UNC5D: variants seen among roughly 807,000 people sequenced by gnomAD.
UNC5D encodes netrin receptor UNC5D.
Under a neutral mutation model 105.4 loss-of-function variants are expected in UNC5D, and 39 were observed. The observed-to-expected ratio is 0.37, with a 90% CI of 0.29 to 0.48. The LOEUF is 0.48. Among genes scored for constraint, UNC5D ranks in the 20% least tolerant of loss-of-function variants. The pLI is 0.98. For missense variants in UNC5D, 991 were observed against 1,202.4 expected (o/e 0.82, Z 2.60); for synonymous variants, 452 against 450.4 (o/e 1.00, Z -0.04).
In UNC5D at chr8:35,388,192, C is replaced by T. The variant is rs144515329; in HGVS notation, c.103+152305C>T. On this transcript the variant is annotated intron_variant, in intron 1 of 16. Coordinates refer to ENST00000404895, the MANE Select transcript of UNC5D (RefSeq NM_080872.4). ...AGTTCAAGACCAATGTGGTAAACCC[C>T]GTCTCTACTAAAAATACAAAAATTA... 7.9e-3 allele frequency among the ~76,000 whole-genome samples: 1,202 copies of T among 151,740 alleles called. 6 individuals carry two copies. Among genetic ancestry groups the T allele is most frequent in the Non-Finnish European group, 0.012 (848 of 67,926 alleles).
At chr8:35,568,513 A>T (rs1817509841) in intron 3 of UNC5D, among the ~76,000 whole-genome samples, 1 of 152,158 alleles carries the variant, frequency 6.6e-6, no homozygotes, top group Non-Finnish European at 1.5e-5. Context: ...ACATGGCAAA[A>T]CCCCATCTCT....
intron 7 of UNC5D, among the ~76,000 whole-genome samples, chr8:35,694,120 A>G (rs545704604): frequency 1.2e-4 from 19 of 152,338 alleles, no homozygotes; most frequent in African/African-American, 4.1e-4. Flanking sequence ...GCTTAAAAAC[A>G]TGTCTTAAAT....
intron 1 of UNC5D, among the ~76,000 whole-genome samples, chr8:35,282,187 C>A (rs1806235591): frequency 6.6e-6 from 1 of 152,312 alleles, no homozygotes; most frequent in Non-Finnish European, 1.5e-5. Flanking sequence ...AGCAGCCACT[C>A]TCTGAATACT....
rs780945660 is a variant in UNC5D, at chr8:35,512,465, CATATATATATATATATATATATAT to C, written c.104-36806_104-36783del. Among the ~76,000 whole-genome samples, 93 of 20,116 alleles carry C rather than the reference CATATATATATATATATATATATAT, an allele frequency of 4.6e-3. 4 individuals are homozygous for C. The highest frequency in any genetic ancestry group is 0.011 in the South Asian group (4 of 366). 13.2% of individuals were successfully genotyped at this position (20,116 alleles called of 152,430 possible). On this transcript the variant is annotated intron_variant, in intron 1 of 16. Transcript: ENST00000404895. Reference sequence around the variant, plus strand: ...TGAGAGTTCAAGGCTAATAGTGAGCCATATATATATATATATATATATATATATATATATATATATATATCTGCA... The same window carrying C: ...TGAGAGTTCAAGGCTAATAGTGAGCCATATATATATATATATATATCTGCA...
At chr8:35,766,814 A>G (rs915352066) in intron 14 of UNC5D, 88 bp from the exon 15 acceptor site, 20 of 1,390,664 alleles carry the variant, frequency 1.4e-5, no homozygotes, top group African/African-American at 2.9e-5. Flanking sequence ...CGTCATCATC[A>G]TCATCATCAT....
At chr8:35,594,661 C>G (rs1819377862) in intron 3 of UNC5D, among the ~76,000 whole-genome samples, 1 of 152,114 alleles carries the variant, frequency 6.6e-6, no homozygotes, top group Non-Finnish European at 1.5e-5. Flanking sequence ...CAACTCCCCA[C>G]CTTTTTTTAA....
chr8:35,765,321 A>C (rs1229006503), intron 14 of UNC5D, among the ~76,000 whole-genome samples: 1 of 152,216 alleles, frequency 6.6e-6, no homozygotes, highest in African/African-American at 2.4e-5. Context: ...TGGCAAAGAT[A>C]GAGTTCCATA....
intron 1 of UNC5D, among the ~76,000 whole-genome samples, chr8:35,536,097 A>G (rs1303938159): frequency 1.3e-5 from 2 of 152,216 alleles, no homozygotes; most frequent in Non-Finnish European, 1.5e-5. Context: ...GAGGAACAAT[A>G]TTTTGTGCTT....
rs34775747 is a variant in UNC5D, at chr8:35,381,651, G to GT, written c.103+145772dup. 8.6e-3 allele frequency among the ~76,000 whole-genome samples: 1,305 copies of GT among 152,102 alleles called. 24 individuals are homozygous for GT. Among genetic ancestry groups the GT allele is most frequent in the African/African-American group, 0.031 (1,276 of 41,490 alleles). On this transcript the variant is annotated intron_variant, in intron 1 of 16. Transcript: ENST00000404895. ...CATTAGAATGCTTAATCTCGTGCAT[G>GT]TTTTTTTTCCCTAGTCTGAAGCACT...
At chr8:35,566,540 G>T (rs929302405) in intron 2 of UNC5D, among the ~76,000 whole-genome samples, 1 of 152,228 alleles carries the variant, frequency 6.6e-6, no homozygotes, top group African/African-American at 2.4e-5. Flanking sequence ...TAAAGGAACA[G>T]AATTGAATTG....
chr8:35,620,134 A>G lies in UNC5D; in HGVS notation c.570+24477A>G, dbSNP rs568158582. 9.2e-5 allele frequency among the ~76,000 whole-genome samples: 14 copies of G among 152,302 alleles called. No individual in the cohort carries two copies. The South Asian group carries it at 2.9e-3, about 32-fold the overall frequency. On this transcript the variant is annotated intron_variant, in intron 4 of 16. Coordinates refer to ENST00000404895, the MANE Select transcript of UNC5D (RefSeq NM_080872.4). ...CCATCCCTTCACCTCTGTATTCAAC[A>G]TGGACTTCCAGAACGATTTGACAAA...
At chr8:35,277,332 A>C (rs1052883346) in intron 1 of UNC5D, among the ~76,000 whole-genome samples, 7 of 152,136 alleles carry the variant, frequency 4.6e-5, no homozygotes, top group African/African-American at 1.7e-4. Flanking sequence ...TCCTTAGGGC[A>C]GTTTCTTAAA....
At chr8:35,570,063 GA>G (rs1205446082) in intron 3 of UNC5D, among the ~76,000 whole-genome samples, 1 of 152,134 alleles carries the variant, frequency 6.6e-6, no homozygotes, top group East Asian at 1.9e-4. Flanking sequence ...TTTGTCCAGG[GA>G]AAAACCTTGT....
rs971247554 is a variant in UNC5D, at chr8:35,468,936, C to T, written c.104-80356C>T. Among the ~76,000 whole-genome samples the T allele has an allele frequency of 2.0e-5, 3 of 152,200 alleles. No homozygotes were observed. In the South Asian group the frequency reaches 6.2e-4, roughly 32 times the overall value. On this transcript the variant is annotated intron_variant, in intron 1 of 16. Coordinates refer to ENST00000404895, the MANE Select transcript of UNC5D (RefSeq NM_080872.4). ...TGCTTGGGAAACAAGAGAGCCCTTG[C>T]TAATTGGAGTTAGAAATAGGAGAAA...
intron 1 of UNC5D, among the ~76,000 whole-genome samples, chr8:35,458,420 G>A (rs985859404): frequency 1.4e-4 from 21 of 152,106 alleles, no homozygotes; most frequent in Admixed American, 7.2e-4. Context: ...TTGCAATAGT[G>A]CTCCCATTTC....
chr8:35,235,768 G>A lies in UNC5D; in HGVS notation c.-17G>A, dbSNP rs2128795675. 8.1e-6 allele frequency: 10 copies of A among 1,229,608 alleles called. No homozygotes were observed. Among genetic ancestry groups the A allele is most frequent in the South Asian group, 8.2e-5 (2 of 24,312 alleles). 76.2% of individuals were successfully genotyped at this position (1,229,608 alleles called of 1,614,324 possible). A position where few individuals can be genotyped will look rare whatever the true frequency, so the allele number is the denominator to read the frequency against. On this transcript the variant is annotated 5_prime_UTR_variant, in exon 1 of 17. Coordinates refer to ENST00000404895, the MANE Select transcript of UNC5D (RefSeq NM_080872.4). ...GGAGCGTGAAGAAGAGCCGCCCTCC[G>A]GAACGCGGCGAGGAGCATGGGGAGA...
chr8:35,377,168 A>G (rs1348537066), intron 1 of UNC5D, among the ~76,000 whole-genome samples: 12 of 152,114 alleles, frequency 7.9e-5, no homozygotes, highest in Non-Finnish European at 5.9e-5. Context: ...TGCGTGCTAT[A>G]TGGATGATGG....
intron 1 of UNC5D, among the ~76,000 whole-genome samples, chr8:35,277,309 T>A (rs944286055): frequency 6.6e-6 from 1 of 152,226 alleles, no homozygotes; most frequent in Non-Finnish European, 1.5e-5. Flanking sequence ...CTGTGTCTGC[T>A]GGCAGGAATA....
chr8:35,560,600 T>C (rs1043308727), intron 2 of UNC5D, among the ~76,000 whole-genome samples: 1 of 152,174 alleles, frequency 6.6e-6, no homozygotes, highest in Non-Finnish European at 1.5e-5. Context: ...TGGGGGAAAA[T>C]ATAATACAAA....
Sources: allele counts gnomAD v4.1 joint callset (sites outside exome capture counted in the v4.1 genomes callset), GRCh38; gene constraint gnomAD v4.1.1; transcripts MANE v1.5; gene names NCBI Gene and HGNC (gene_info 2026-07-23, HGNC 2026-07-21).